SYNPO2: variants seen among roughly 807,000 people sequenced by gnomAD.
The protein encoded by SYNPO2 is synaptopodin 2.
A neutral mutation model predicts 85.0 loss-of-function variants in SYNPO2; 56 were observed. The observed-to-expected ratio is 0.66, with a 90% CI of 0.53 to 0.82. SYNPO2 has a LOEUF of 0.82. Among genes scored for constraint, SYNPO2 ranks in the 40% least tolerant of loss-of-function variants. The pLI, the probability that SYNPO2 is intolerant of heterozygous loss-of-function variation, is 0.00. For missense variants in SYNPO2, 1,575 were observed against 1,534.2 expected (o/e 1.03, Z -0.44); for synonymous variants, 602 against 591.1 (o/e 1.02, Z -0.27).
chr4:118,957,530 C>A (rs1463069764), intron 1 of SYNPO2, among the ~76,000 whole-genome samples: 2 of 152,046 alleles, frequency 1.3e-5, no homozygotes, highest in East Asian at 3.8e-4. Flanking sequence ...GACATAATAA[C>A]CATAAATAAA....
chr4:118,932,042 G>A (rs1733948933), intron 1 of SYNPO2, among the ~76,000 whole-genome samples: 1 of 152,178 alleles, frequency 6.6e-6, no homozygotes, highest in South Asian at 2.1e-4. Context: ...TAGGCAGTGT[G>A]CCTGCTGCTA....
At chr4:118,990,192 T>A (rs143071977) in intron 1 of SYNPO2, among the ~76,000 whole-genome samples, 1 of 152,232 alleles carries the variant, frequency 6.6e-6, no homozygotes, top group South Asian at 2.1e-4. Flanking sequence ...TCATATTGGA[T>A]TATTGAAAGA....
intron 1 of SYNPO2, among the ~76,000 whole-genome samples, chr4:118,853,879 G>C (rs1731463986): frequency 6.6e-6 from 1 of 152,178 alleles, no homozygotes; most frequent in Non-Finnish European, 1.5e-5. Context: ...ATATGTGCAG[G>C]AAAGAGGCTG....
At chr4:118,915,712 G>A (rs180716821) in intron 1 of SYNPO2, among the ~76,000 whole-genome samples, 56 of 152,142 alleles carry the variant, frequency 3.7e-4, no homozygotes, top group Admixed American at 3.3e-3. Context: ...GGAATTGCTG[G>A]GTCATAGGTT....
At chr4:118,860,219 C>A (rs1051114007) in intron 1 of SYNPO2, among the ~76,000 whole-genome samples, 9 of 152,122 alleles carry the variant, frequency 5.9e-5, no homozygotes, top group African/African-American at 2.2e-4. Flanking sequence ...AATGTCTATT[C>A]ATATCTTTTG....
chr4:118,895,895 G>A lies in SYNPO2; in HGVS notation c.105+6754G>A, dbSNP rs144378174. 4.3e-3 allele frequency among the ~76,000 whole-genome samples: 653 copies of A among 152,058 alleles called. 5 individuals carry two copies. Among genetic ancestry groups the A allele is most frequent in the Admixed American group, 9.3e-3 (142 of 15,274 alleles). ...GAATATAAACGAATTTATATATTTG[G>A]CTAAAAATACTTCACATGTGTATAT... On this transcript the variant is annotated intron_variant, in intron 1 of 4. Coordinates refer to ENST00000307142, the MANE Select transcript of SYNPO2 (RefSeq NM_133477.3).
chr4:118,900,041 C>T (rs1291677104), intron 1 of SYNPO2, among the ~76,000 whole-genome samples: 3 of 152,096 alleles, frequency 2.0e-5, no homozygotes, highest in Admixed American at 6.5e-5. Context: ...GGATTACAGG[C>T]GTGAGCCACC....
At position 119,020,194 on chromosome 4, in the gene SYNPO2, A is replaced by G. The variant is rs1737666170; in HGVS notation, c.106-3236A>G. Among the ~76,000 whole-genome samples the G allele has an allele frequency of 3.3e-5, 5 of 152,132 alleles. No homozygotes were observed. The South Asian group carries it at 1.0e-3, about 31-fold the overall frequency. ...AAGAGTAGTCCTTCAGAAAAACTTA[A>G]GTAAGAAGAAAAGTTCTCATCATAT... On this transcript the variant is annotated intron_variant, in intron 1 of 4. Transcript: ENST00000307142.
At chr4:118,912,721 T>C (rs1265899559) in intron 1 of SYNPO2, among the ~76,000 whole-genome samples, 2 of 152,148 alleles carry the variant, frequency 1.3e-5, no homozygotes, top group African/African-American at 4.8e-5. Context: ...TTAATTTAAA[T>C]AATTATATTT....
At chr4:118,876,697 CTTTCTTTCTTTCTT>C (rs1214689878) in intron 1 of SYNPO2, among the ~76,000 whole-genome samples, 1 of 105,290 alleles carries the variant, frequency 9.5e-6, no homozygotes, top group Non-Finnish European at 2.0e-5. Context: ...TTCTTTCTTT[CTTTCTTTCTTTCTT>C]TCTTTCTTTC....
chr4:118,964,605 A>G (rs1353843311), intron 1 of SYNPO2, among the ~76,000 whole-genome samples: 1 of 151,270 alleles, frequency 6.6e-6, no homozygotes, highest in East Asian at 1.9e-4. Flanking sequence ...TCTCCCTCTC[A>G]CTCTGCCTCT....
chr4:118,999,118 C>T lies in SYNPO2; in HGVS notation c.106-24312C>T, dbSNP rs536626126. 1.8e-4 allele frequency among the ~76,000 whole-genome samples: 27 copies of T among 152,204 alleles called. No homozygotes were observed. In the East Asian group the frequency reaches 5.2e-3, roughly 29 times the overall value. On this transcript the variant is annotated intron_variant, in intron 1 of 4. Coordinates refer to ENST00000307142, the MANE Select transcript of SYNPO2 (RefSeq NM_133477.3). ...AATGTATGTAAAGTGAAATGTTTAG[C>T]TGTTATTATTACTCATTTACCATGA...
chr4:118,889,639 A>T (rs996353690), intron 1 of SYNPO2, among the ~76,000 whole-genome samples: 3 of 152,240 alleles, frequency 2.0e-5, no homozygotes, highest in Admixed American at 6.5e-5. Context: ...TTTTAAAAGT[A>T]TGATGAAGTG....
At chr4:118,858,590 G>A (rs1189741954) in intron 1 of SYNPO2, among the ~76,000 whole-genome samples, 2 of 152,094 alleles carry the variant, frequency 1.3e-5, no homozygotes, top group African/African-American at 4.8e-5. Flanking sequence ...CAGTGTGAGG[G>A]CACCTGTCTC....
At chr4:119,025,624 A>T (rs1737905636) in intron 2 of SYNPO2, among the ~76,000 whole-genome samples, 1 of 152,186 alleles carries the variant, frequency 6.6e-6, no homozygotes, top group African/African-American at 2.4e-5. Context: ...CACGCCCTTC[A>T]GCTGACGTGC....
At chr4:118,958,260 T>G (rs1734947781) in intron 1 of SYNPO2, among the ~76,000 whole-genome samples, 1 of 152,160 alleles carries the variant, frequency 6.6e-6, no homozygotes, top group South Asian at 2.1e-4. Context: ...TTTGGATGCC[T>G]GCGGTGCGTG....
In SYNPO2 at chr4:118,893,835, A is replaced by G. The variant is rs913307652; in HGVS notation, c.105+4694A>G. On this transcript the variant is annotated intron_variant, in intron 1 of 4. Transcript: ENST00000307142. Reference sequence around the variant, plus strand: ...ATAATAACGTATTGTATATTTCAAAATAGCTAAAAAAAAAAGGAGTTTAAA... The same window carrying G: ...ATAATAACGTATTGTATATTTCAAAGTAGCTAAAAAAAAAAGGAGTTTAAA... Among the ~76,000 whole-genome samples, 5 of 147,198 alleles carry G rather than the reference A, an allele frequency of 3.4e-5. No homozygotes were observed. The East Asian group carries it at 1.0e-3, about 30-fold the overall frequency.
chr4:118,879,747 T>C (rs1464285355), intron 1 of SYNPO2, among the ~76,000 whole-genome samples: 1 of 152,212 alleles, frequency 6.6e-6, no homozygotes, highest in East Asian at 1.9e-4. Flanking sequence ...TTGCCTTCAC[T>C]GGTCACTGAA....
chr4:118,991,942 C>G (rs1028664368), intron 1 of SYNPO2, among the ~76,000 whole-genome samples: 1 of 152,044 alleles, frequency 6.6e-6, no homozygotes, highest in Admixed American at 6.6e-5. Context: ...TAATGGAGTT[C>G]GACTGGAAAG....
Sources: allele counts gnomAD v4.1 joint callset (sites outside exome capture counted in the v4.1 genomes callset), GRCh38; gene constraint gnomAD v4.1.1; transcripts MANE v1.5; gene names NCBI Gene and HGNC (gene_info 2026-07-23, HGNC 2026-07-21).